Variants in POU6F1 observed in about 807,000 individuals in gnomAD.
POU6F1 encodes POU domain, class 6, transcription factor 1.
POU6F1 carries 9 observed loss-of-function variants against 28.9 expected under a neutral mutation model. The ratio of observed to expected loss-of-function variants is 0.31; its 90% CI spans 0.19 to 0.54. The LOEUF is 0.54. POU6F1 is among the 20% of genes least tolerant of loss of function. POU6F1 has a pLI of 0.94. For missense variants in POU6F1, 338 were observed against 426.1 expected, an observed-to-expected ratio of 0.79 and a Z score of 1.82; for synonymous variants, 173 against 171.1, an observed-to-expected ratio of 1.01 and a Z score of -0.09.
At chr12:51,193,005 C>G (rs1281373803) in intron 8 of POU6F1, among the ~76,000 whole-genome samples, 2 of 152,172 alleles carry the variant, frequency 1.3e-5, no homozygotes, top group Non-Finnish European at 2.9e-5. Context: ...CCCTACCAAC[C>G]TGGAGCTTCA....
intron 1 of POU6F1, among the ~76,000 whole-genome samples, chr12:51,212,570 C>T (rs1478473890): frequency 2.0e-5 from 3 of 148,156 alleles, no homozygotes; most frequent in African/African-American, 4.9e-5. Context: ...CACCTGAGGA[C>T]GGGAGTTCGA....
At chr12:51,215,265 G>C (rs907348266) in intron 1 of POU6F1, among the ~76,000 whole-genome samples, 2 of 151,660 alleles carry the variant, frequency 1.3e-5, no homozygotes, top group African/African-American at 4.9e-5. Context: ...TTTCAAAGAC[G>C]TGGTACAGGC....
intron 8 of POU6F1, among the ~76,000 whole-genome samples, chr12:51,194,444 C>A (rs1460381432): frequency 6.6e-6 from 1 of 152,018 alleles, no homozygotes; most frequent in Non-Finnish European, 1.5e-5. Flanking sequence ...AGTTTGAGAC[C>A]AGCCTGGGCA....
chr12:51,192,487 C>A lies in POU6F1; in HGVS notation c.1180-16G>T, dbSNP rs368819108. The A allele has an allele frequency of 8.7e-6, 14 of 1,610,056 alleles. No homozygotes were observed. In the African/African-American group the frequency reaches 1.7e-4, roughly 20 times the overall value. ...TGGGCTGCACCTGTGAAAGGACAGA[C>A]AACAAGCCTTTGCTGCCCTCTGCCA... is the stretch of plus-strand genomic sequence containing the variant. On this transcript the variant is annotated splice_polypyrimidine_tract_variant and intron_variant, in intron 8 of 10. Transcript: ENST00000333640.
intron 1 of POU6F1, 163 bp from the exon 2 acceptor site, chr12:51,207,046 GAC>G (rs1481887508): frequency 5.6e-6 from 2 of 354,920 alleles, no homozygotes; most frequent in African/African-American, 2.1e-5. Context: ...TTTTTTTTGA[GAC>G]AGTTTCACTC....
At position 51,190,265 on chromosome 12, in the gene POU6F1, G is replaced by A. The variant is rs180748178; in HGVS notation, c.1818C>T (p.Asn606=). Residue 606 remains asparagine, a synonymous_variant, in exon 11 of 11, where the codon AAC becomes AAT. Coordinates refer to ENST00000333640, the MANE Select transcript of POU6F1 (RefSeq NM_001330422.2). This position sits in a 1 kb window ranked among gnomAD's most constrained non-coding sequence, Gnocchi z 4.5. ...RQTLKNTSKL[N]VFQIP Reference sequence around the variant, plus strand: ...CTGAGCCCTAAGGGATCTGAAAGACGTTCAGCTTGCTGGTGTTCTTGAGCG... The same window carrying A: ...CTGAGCCCTAAGGGATCTGAAAGACATTCAGCTTGCTGGTGTTCTTGAGCG... 3.5e-5 allele frequency: 56 copies of A among 1,614,138 alleles called. No individual in the cohort carries two copies. In the East Asian group the frequency reaches 6.0e-4, roughly 17 times the overall value.
rs1417113786 is a variant in POU6F1, at chr12:51,204,264, G to C, written c.153C>G (p.Ala51=). ...CAGGGTCTCCGCTCTGGGAGCCCTC[G>C]GCGGCCACACCCTCCAGTCCTTTGC... The part of the protein sequence containing the change: ...EESKGLEGVA[A]EGSQSGDPAE... The change falls in exon 3 of 11, where the codon GCC becomes GCG. Residue 51 remains alanine (A), a synonymous_variant. Coordinates refer to ENST00000333640, the MANE Select transcript of POU6F1 (RefSeq NM_001330422.2). The C allele has an allele frequency of 7.5e-6, 3 of 399,044 alleles. No homozygotes were observed. The highest frequency in any genetic ancestry group is 1.3e-4 in the South Asian group (1 of 7,858). 24.7% of individuals were successfully genotyped at this position (399,044 alleles called of 1,614,324 possible).
Position 51,196,032 on chromosome 12 carries a change from G to T in POU6F1, c.1117C>A (p.Pro373Thr), listed in dbSNP as rs1020572848. The T allele has an allele frequency of 6.2e-7, 1 of 1,611,054 alleles. No homozygotes were observed. The highest frequency in any genetic ancestry group is 1.3e-5 in the African/African-American group (1 of 74,748). ...CGGACAGCCACAGGTGGAGGCAGGG[G>T]GCTGCTAGCCAGGGTCGCAATCACC... ...GQVIATLASS[P>T]LPPPVAVRKP... The change falls in exon 8 of 11, where the codon CCC (proline) becomes ACC (threonine). Residue 373 changes from proline to threonine, a missense_variant. By Grantham distance (38) the Pro-to-Thr change is conservative. Coordinates refer to ENST00000333640, the MANE Select transcript of POU6F1 (RefSeq NM_001330422.2).
intron 1 of POU6F1, among the ~76,000 whole-genome samples, chr12:51,209,998 C>A (rs1039481433): frequency 1.3e-5 from 2 of 152,104 alleles, no homozygotes; most frequent in African/African-American, 4.8e-5. Context: ...TGCTCTGTTG[C>A]CCAGGCTGTA....
chr12:51,204,028 C>G, intron 3 of POU6F1, 145 bp downstream of exon 3: 1 of 397,528 alleles, frequency 2.5e-6, no homozygotes, highest in Non-Finnish European at 4.4e-6. Flanking sequence ...TCGCAGCTGA[C>G]CAGAGGCACA....
chr12:51,212,247 C>A (rs1225903686), intron 1 of POU6F1, among the ~76,000 whole-genome samples: 4 of 151,844 alleles, frequency 2.6e-5, no homozygotes, highest in Non-Finnish European at 1.5e-5. Context: ...GTGCGCGCCA[C>A]CATGCCCAGC....
At chr12:51,191,785 A>T in intron 9 of POU6F1, 21 bp from the exon 10 acceptor site, 1 of 1,613,654 alleles carries the variant, frequency 6.2e-7, no homozygotes, top group Non-Finnish European at 8.5e-7. Flanking sequence ...GGGAGGGAGC[A>T]GGGATGAGTG....
At chr12:51,195,064 TGCTCTA>T (rs1942718949) in intron 8 of POU6F1, among the ~76,000 whole-genome samples, 1 of 152,236 alleles carries the variant, frequency 6.6e-6, no homozygotes, top group Admixed American at 6.5e-5. Context: ...TGAGAACTGC[TGCTCTA>T]GCATGTGATA....
chr12:51,207,939 C>T (rs1340029086), intron 1 of POU6F1, among the ~76,000 whole-genome samples: 2 of 152,194 alleles, frequency 1.3e-5, no homozygotes, highest in East Asian at 3.9e-4. Context: ...CATGTGAGGA[C>T]AGGTTGTCTG....
In POU6F1 at chr12:51,188,370, A is replaced by C. The variant is rs1242183913; in HGVS notation, c.*1877T>G. On this transcript the variant is annotated 3_prime_UTR_variant, in exon 11 of 11. Coordinates refer to ENST00000333640, the MANE Select transcript of POU6F1 (RefSeq NM_001330422.2). ...TCGATAACCCTGAACTAGAGTGTGG[A>C]GACTCTCTGTTGGAGACACGCTCTC... is the stretch of plus-strand genomic sequence containing the variant. 1.3e-5 allele frequency: 2 copies of C among 152,242 alleles called. No individual in the cohort carries two copies. Among genetic ancestry groups the C allele is most frequent in the Non-Finnish European group, 2.9e-5 (2 of 68,050 alleles). 9.4% of individuals were successfully genotyped at this position (152,242 alleles called of 1,614,324 possible).
chr12:51,190,423 G>C lies in POU6F1; in HGVS notation c.1660C>G (p.Gln554Glu), dbSNP rs369846174. 19 of 1,614,032 alleles carry C rather than the reference G, an allele frequency of 1.2e-5. No homozygotes were observed. The South Asian group carries it at 1.2e-4, about 10-fold the overall frequency. The change falls in exon 11 of 11, where the codon CAG becomes GAG. Residue 554 changes from glutamine to glutamate, a missense_variant. Gln to Glu is a conservative substitution (Grantham distance 29, BLOSUM62 2). Transcript: ENST00000333640. The surrounding 1 kb of genome is among the most constrained non-coding windows in gnomAD (Gnocchi z 4.5). ...TAGGCATTGAGAGCCTCTATGGCCT[G>C]GGGGGTGAAGGAGGTGCGGCGTTTG... The part of the protein sequence containing the change: ...KRKRRTSFTP[Q>E]AIEALNAYFE...
rs544951636 is a variant in POU6F1, at chr12:51,190,748, C to T, written c.1491-156G>A. Among the ~76,000 whole-genome samples the T allele has an allele frequency of 6.6e-6, 1 of 152,298 alleles. No individual in the cohort carries two copies. The highest frequency in any genetic ancestry group is 1.9e-4 in the East Asian group (1 of 5,180). ...TCCCCTCACCACCTCCACCAAGACC[C>T]CTCTAGTTTGGCCAAGCCCAGACTC... On this transcript the variant is annotated intron_variant, in intron 10 of 10. Coordinates refer to ENST00000333640, the MANE Select transcript of POU6F1 (RefSeq NM_001330422.2). The surrounding 1 kb of genome is among the most constrained non-coding windows in gnomAD (Gnocchi z 4.5).
At chr12:51,195,801 C>T (rs899936607) in intron 8 of POU6F1, among the ~76,000 whole-genome samples, 169 bp downstream of exon 8, 2 of 152,180 alleles carry the variant, frequency 1.3e-5, no homozygotes, top group Admixed American at 6.5e-5. Context: ...TGGGCAGAAC[C>T]TGTGTGGACA....
rs561445028 is a variant in POU6F1, at chr12:51,196,180, G to A, written c.976-7C>T. The A allele has an allele frequency of 8.5e-5, 127 of 1,500,128 alleles. 2 individuals carry two copies. In the South Asian group the frequency reaches 1.5e-3, roughly 18 times the overall value. 92.9% of individuals were successfully genotyped at this position (1,500,128 alleles called of 1,614,324 possible). A position where few individuals can be genotyped will look rare whatever the true frequency, so the allele number is the denominator to read the frequency against. ...ATGGAAGGGTTCCAATAACCTGGGA[G>A]GAAATAAGGCAGGGACCCCAGGTGT... On this transcript the variant is annotated splice_region_variant and splice_polypyrimidine_tract_variant and intron_variant, in intron 7 of 10. Coordinates refer to ENST00000333640, the MANE Select transcript of POU6F1 (RefSeq NM_001330422.2).
Sources: allele counts gnomAD v4.1 joint callset (sites outside exome capture counted in the v4.1 genomes callset), GRCh38; gene constraint gnomAD v4.1.1; non-coding constraint Gnocchi (gnomAD v3.1); transcripts MANE v1.5; gene names NCBI Gene and HGNC (gene_info 2026-07-23, HGNC 2026-07-21).